The following EXOC4 variants were observed in gnomAD, a reference collection of about 807,000 sequenced individuals.
The protein encoded by EXOC4 is exocyst complex component 4, also known as SEC8-like 1.
EXOC4 carries 71 observed loss-of-function variants against 107.2 expected under a neutral mutation model. The ratio of observed to expected loss-of-function variants is 0.66; its 90% CI spans 0.55 to 0.81. EXOC4 has a LOEUF of 0.81. EXOC4 is among the 30% of genes least tolerant of loss of function. The probability of loss-of-function intolerance (pLI) is 0.00; values close to 1 mark genes in which losing one functional copy is unlikely to be tolerated. For missense variants in EXOC4, 1,108 were observed against 1,189.6 expected (o/e 0.93, Z 1.01); for synonymous variants, 456 against 441.2 (o/e 1.03, Z -0.42).
At chr7:133,309,891 G>C (rs1454935070) in intron 4 of EXOC4, among the ~76,000 whole-genome samples, 1 of 151,282 alleles carries the variant, frequency 6.6e-6, no homozygotes, top group African/African-American at 2.4e-5. Context: ...AGTGAGCCGA[G>C]ATCACACCAC....
chr7:133,571,608 G>A (rs1243282197), intron 9 of EXOC4, among the ~76,000 whole-genome samples: 2 of 151,536 alleles, frequency 1.3e-5, no homozygotes, highest in African/African-American at 4.9e-5. Context: ...CCAGGAGTCA[G>A]CGGTTGCAGT....
intron 9 of EXOC4, among the ~76,000 whole-genome samples, chr7:133,594,802 C>T (rs1178948642): frequency 1.3e-5 from 2 of 151,930 alleles, no homozygotes; most frequent in African/African-American, 4.8e-5. Flanking sequence ...AAGTTTGAGT[C>T]TTTTTAAGCC....
intron 17 of EXOC4, among the ~76,000 whole-genome samples, chr7:134,053,229 C>T (rs1232597314): frequency 1.4e-5 from 2 of 139,172 alleles, no homozygotes; most frequent in Non-Finnish European, 3.1e-5. Flanking sequence ...CAGAGCGAAA[C>T]TCCATCTCAA....
chr7:133,383,740 A>G (rs923162314), intron 7 of EXOC4, among the ~76,000 whole-genome samples: 3 of 152,200 alleles, frequency 2.0e-5, no homozygotes, highest in African/African-American at 4.8e-5. Context: ...AAAGTAAAAC[A>G]AACCTATTTT....
At chr7:133,282,780 G>C (rs749708659) in intron 2 of EXOC4, among the ~76,000 whole-genome samples, 9 of 152,064 alleles carry the variant, frequency 5.9e-5, no homozygotes, top group Non-Finnish European at 1.3e-4. Flanking sequence ...AGTTATTTGT[G>C]GTGAGAATAC....
At chr7:133,427,900 T>C (rs1797764375) in intron 7 of EXOC4, among the ~76,000 whole-genome samples, 1 of 152,182 alleles carries the variant, frequency 6.6e-6, no homozygotes. Context: ...AAAAAATCAA[T>C]TGGTAGATTT....
intron 17 of EXOC4, among the ~76,000 whole-genome samples, chr7:134,053,942 T>G (rs531996347): frequency 4.1e-4 from 62 of 152,178 alleles, no homozygotes; most frequent in African/African-American, 1.4e-3. Flanking sequence ...TTAATTTATT[T>G]TATTTTTTAA....
At chr7:133,458,174 A>G (rs750520365) in intron 7 of EXOC4, among the ~76,000 whole-genome samples, 11 of 152,140 alleles carry the variant, frequency 7.2e-5, no homozygotes, top group Non-Finnish European at 1.3e-4. Context: ...CTCATTCATT[A>G]TTGCACTTAT....
intron 5 of EXOC4, among the ~76,000 whole-genome samples, chr7:133,346,179 A>C (rs1230420690): frequency 1.3e-5 from 2 of 152,184 alleles, no homozygotes; most frequent in Non-Finnish European, 2.9e-5. Flanking sequence ...CAGATTTGGC[A>C]AGGGCAACAG....
At chr7:133,525,121 G>T (rs1800055233) in intron 9 of EXOC4, among the ~76,000 whole-genome samples, 1 of 152,130 alleles carries the variant, frequency 6.6e-6, no homozygotes, top group Non-Finnish European at 1.5e-5. Flanking sequence ...TTCTTGGAGT[G>T]CTTCATAGTG....
chr7:134,057,023 G>C (rs140773800), intron 17 of EXOC4, among the ~76,000 whole-genome samples: 1 of 152,148 alleles, frequency 6.6e-6, no homozygotes, highest in Non-Finnish European at 1.5e-5. Flanking sequence ...AACTTTCAGC[G>C]TCTCCCCAGG....
chr7:133,860,867 GTTTAT>G (rs111380195), intron 11 of EXOC4, among the ~76,000 whole-genome samples: 17,477 of 152,106 alleles, frequency 0.11, 1,102 homozygotes, highest in Middle Eastern at 0.14. Flanking sequence ...ACATGTATGT[GTTTAT>G]TTCTCTATGT....
intron 11 of EXOC4, among the ~76,000 whole-genome samples, chr7:133,858,747 C>A (rs1176261308): frequency 1.3e-5 from 2 of 152,164 alleles, no homozygotes; most frequent in Non-Finnish European, 2.9e-5. Flanking sequence ...CAGAGTCTTC[C>A]TGTACTTTTA....
intron 5 of EXOC4, among the ~76,000 whole-genome samples, chr7:133,318,911 A>G (rs1483798039): frequency 2.6e-5 from 4 of 152,238 alleles, no homozygotes; most frequent in African/African-American, 9.6e-5. Context: ...TCTTGGAGCT[A>G]GAAAGGTTTT....
At chr7:133,822,527 T>A (rs1455282237) in intron 11 of EXOC4, among the ~76,000 whole-genome samples, 1 of 152,222 alleles carries the variant, frequency 6.6e-6, no homozygotes, top group African/African-American at 2.4e-5. Flanking sequence ...CCTTGCTACT[T>A]AGAGAGTGTT....
At chr7:133,489,774 C>A (rs1563084938) in intron 9 of EXOC4, among the ~76,000 whole-genome samples, 1 of 152,024 alleles carries the variant, frequency 6.6e-6, no homozygotes, top group Non-Finnish European at 1.5e-5. Context: ...CTTTGAAGGC[C>A]AAAAGAAAAG....
intron 7 of EXOC4, among the ~76,000 whole-genome samples, chr7:133,436,155 T>G (rs1358366094): frequency 1.3e-5 from 2 of 152,116 alleles, no homozygotes; most frequent in Non-Finnish European, 2.9e-5. Flanking sequence ...GATGTTTTTC[T>G]TGGCATCCAT....
intron 7 of EXOC4, among the ~76,000 whole-genome samples, chr7:133,432,581 G>A (rs1387994756): frequency 3.3e-5 from 5 of 152,076 alleles, no homozygotes; most frequent in African/African-American, 9.7e-5. Flanking sequence ...GATTTAACTG[G>A]TATGTGGTTG....
chr7:134,062,246 TC>T (rs1021184043), intron 17 of EXOC4, among the ~76,000 whole-genome samples: 1 of 152,144 alleles, frequency 6.6e-6, no homozygotes. Context: ...GATTATTCTC[TC>T]CCCTATTTTT....
Sources: allele counts gnomAD v4.1 joint callset (sites outside exome capture counted in the v4.1 genomes callset), GRCh38; gene constraint gnomAD v4.1.1; transcripts MANE v1.5; gene names NCBI Gene and HGNC (gene_info 2026-07-23, HGNC 2026-07-21).